The following CALD1 variants were observed in gnomAD, a reference collection of about 807,000 sequenced individuals.
The protein encoded by CALD1 is caldesmon 1.
A neutral mutation model predicts 99.9 loss-of-function variants in CALD1; 33 were observed. The observed-to-expected ratio is 0.33, with a 90% CI of 0.25 to 0.44. The LOEUF (loss-of-function observed/expected upper bound fraction) is 0.44. Among genes scored for constraint, CALD1 ranks in the 20% least tolerant of loss-of-function variants. The pLI is 1.00. For missense variants in CALD1, 861 were observed against 962.1 expected (o/e 0.89, Z 1.39); for synonymous variants, 310 against 325.0 (o/e 0.95, Z 0.50).
chr7:134,840,794 TA>T (rs1799619816), intron 1 of CALD1, among the ~76,000 whole-genome samples: 2 of 152,184 alleles, frequency 1.3e-5, no homozygotes, highest in Admixed American at 6.5e-5. Context: ...CAAGTGGGGA[TA>T]ATAAAAAACA....
At chr7:134,862,254 T>C (rs1800594514) in intron 2 of CALD1, among the ~76,000 whole-genome samples, 1 of 152,226 alleles carries the variant, frequency 6.6e-6, no homozygotes. Context: ...AAACAAATCC[T>C]AGAGAGAAAT....
Position 134,768,976 on chromosome 7 carries a change from T to A in CALD1, c.-130+24613T>A, listed in dbSNP as rs565029246. Among the ~76,000 whole-genome samples the A allele has an allele frequency of 5.3e-5, 8 of 152,134 alleles. No homozygotes were observed. The South Asian group carries it at 1.7e-3, about 32-fold the overall frequency. On this transcript the variant is annotated intron_variant, in intron 1 of 13. Transcript: ENST00000417172. Reference sequence around the variant, plus strand: ...CCTGCTTCTTTTTTCCCACTCAATATGCTTCTGAGTTTCAGGTACATCTAG... The same window carrying A: ...CCTGCTTCTTTTTTCCCACTCAATAAGCTTCTGAGTTTCAGGTACATCTAG...
chr7:134,719,068 A>G, the CALD1 span, among the ~76,000 whole-genome samples: 1 of 152,220 alleles, frequency 6.6e-6, no homozygotes, highest in Non-Finnish European at 1.5e-5. Context: ...ATTTTCCCCA[A>G]TATCCTACAG....
intron 2 of CALD1, among the ~76,000 whole-genome samples, chr7:134,862,499 A>G (rs1281558510): frequency 7.9e-5 from 12 of 152,178 alleles, no homozygotes; most frequent in Non-Finnish European, 1.8e-4. Flanking sequence ...TTCCAACTAT[A>G]TGATATTCTG....
At chr7:134,902,137 T>C (rs555147290) in intron 3 of CALD1, among the ~76,000 whole-genome samples, 4 of 152,158 alleles carry the variant, frequency 2.6e-5, no homozygotes, top group African/African-American at 9.6e-5. Context: ...AAAAATGATA[T>C]TGTGATATTG....
intron 4 of CALD1, among the ~76,000 whole-genome samples, chr7:134,932,123 T>C (rs1274860492): frequency 2.0e-5 from 3 of 152,156 alleles, no homozygotes; most frequent in Non-Finnish European, 2.9e-5. Context: ...GACACTTCTG[T>C]TTACATTTCA....
intron 1 of CALD1, among the ~76,000 whole-genome samples, chr7:134,755,745 G>A (rs1176647068): frequency 1.3e-5 from 2 of 152,136 alleles, no homozygotes; most frequent in African/African-American, 4.8e-5. Flanking sequence ...ATTTTTCACA[G>A]TGTAGAAGTT....
chr7:134,744,434 T>C (rs1796616910), intron 1 of CALD1: 1 of 148,990 alleles, frequency 6.7e-6, no homozygotes, highest in Non-Finnish European at 1.5e-5. Context: ...TATTTTATTT[T>C]TTTCTATCAG....
intron 3 of CALD1, among the ~76,000 whole-genome samples, chr7:134,918,903 G>A (rs1422524971): frequency 2.0e-5 from 3 of 152,162 alleles, no homozygotes; most frequent in Non-Finnish European, 4.4e-5. Flanking sequence ...GGCTGAGGTG[G>A]GTGGATCACA....
intron 1 of CALD1, among the ~76,000 whole-genome samples, chr7:134,753,349 T>C (rs1796701528): frequency 6.6e-6 from 1 of 151,954 alleles, no homozygotes; most frequent in African/African-American, 2.4e-5. Context: ...TCAGATGAAA[T>C]TGTTCTGAGG....
chr7:134,925,175 G>T (rs983171839), intron 3 of CALD1, among the ~76,000 whole-genome samples: 1 of 152,134 alleles, frequency 6.6e-6, no homozygotes, highest in African/African-American at 2.4e-5. Context: ...CAAGCAAGAA[G>T]AGGTAGAAGA....
chr7:134,791,791 G>A (rs1214281913), intron 1 of CALD1, among the ~76,000 whole-genome samples: 1 of 152,216 alleles, frequency 6.6e-6, no homozygotes, highest in Non-Finnish European at 1.5e-5. Context: ...AATTTATAAA[G>A]AAAGAGGTTT....
chr7:134,848,049 C>T (rs2132197245), intron 2 of CALD1, among the ~76,000 whole-genome samples: 1 of 152,106 alleles, frequency 6.6e-6, no homozygotes, highest in Admixed American at 6.5e-5. Flanking sequence ...TCATACCACG[C>T]CGTGCAACAG....
the CALD1 span, among the ~76,000 whole-genome samples, chr7:134,716,611 G>A: frequency 6.6e-6 from 1 of 152,170 alleles, no homozygotes; most frequent in Non-Finnish European, 1.5e-5. Flanking sequence ...TGAAAACAAT[G>A]TCAGGGAAAA....
chr7:134,958,887 ATATATATATATATATATATATATTTAAC>A (rs1248206645), intron 11 of CALD1, among the ~76,000 whole-genome samples: 1 of 96,258 alleles, frequency 1.0e-5, no homozygotes, highest in Non-Finnish European at 2.2e-5. Flanking sequence ...ATATATATAT[ATATATATATATATATATATATATTTAAC>A]TATATATATA....
At chr7:134,791,661 GAAAAACA>G (rs1304861845) in intron 1 of CALD1, among the ~76,000 whole-genome samples, 10 of 140,502 alleles carry the variant, frequency 7.1e-5, no homozygotes, top group African/African-American at 1.5e-4. Context: ...CCAGGGAAAT[GAAAAACA>G]AAAAACAAAA....
intron 3 of CALD1, among the ~76,000 whole-genome samples, chr7:134,887,882 G>A (rs1172841316): frequency 1.3e-5 from 2 of 151,736 alleles, no homozygotes; most frequent in South Asian, 4.2e-4. Context: ...CTGTATGTGT[G>A]TGTATGTGTG....
intron 1 of CALD1, among the ~76,000 whole-genome samples, chr7:134,768,855 T>C (rs1169994864): frequency 6.6e-6 from 1 of 152,096 alleles, no homozygotes; most frequent in Non-Finnish European, 1.5e-5. Flanking sequence ...CCTCTCTCCC[T>C]CATGGCCAAC....
intron 2 of CALD1, among the ~76,000 whole-genome samples, chr7:134,856,285 GCCCATGGCAAC>G (rs1800297752): frequency 6.6e-6 from 1 of 152,196 alleles, no homozygotes; most frequent in Non-Finnish European, 1.5e-5. Context: ...TTCCAGGAAT[GCCCATGGCAAC>G]CTCACACTTT....
Sources: gnomAD v4.1 joint callset for allele counts (sites outside exome capture counted in the v4.1 genomes callset) on GRCh38, gnomAD v4.1.1 for gene constraint, MANE v1.5 for transcripts, NCBI Gene and HGNC (gene_info 2026-07-23, HGNC 2026-07-21) for gene names.